UNC80: variants seen among roughly 807,000 people sequenced by gnomAD.
UNC80 encodes unc-80 subunit of NALCN channel complex.
Under a neutral mutation model 384.6 loss-of-function variants are expected in UNC80, and 164 were observed. That is an observed-to-expected ratio of 0.43 (90% CI 0.38 to 0.49). The LOEUF (loss-of-function observed/expected upper bound fraction) is 0.49. UNC80 is among the 20% of genes least tolerant of loss of function. The pLI, the probability that UNC80 is intolerant of heterozygous loss-of-function variation, is 0.00. For missense variants in UNC80, 3,330 were observed against 4,143.0 expected (o/e 0.80, Z 5.39); for synonymous variants, 1,486 against 1,527.8 (o/e 0.97, Z 0.64).
At chr2:209,844,486 TCCTTCCTTCC>T (rs1372405343) in intron 21 of UNC80, among the ~76,000 whole-genome samples, 2 of 91,788 alleles carry the variant, frequency 2.2e-5, no homozygotes, top group Non-Finnish European at 4.6e-5. Flanking sequence ...TTTCCTTCCT[TCCTTCCTTCC>T]TTCCTTCCTT....
intron 63 of UNC80, among the ~76,000 whole-genome samples, 184 bp from the exon 64 acceptor site, chr2:209,993,881 T>C (rs1305529033): frequency 6.6e-6 from 1 of 152,224 alleles, no homozygotes; most frequent in Non-Finnish European, 1.5e-5. Context: ...TAAGTCTTAC[T>C]CTTTGTAAGA....
rs975224084 is a variant in UNC80 at position 209,872,679 on chromosome 2, A to T, written c.3628-79A>T. 3.4e-5 allele frequency: 43 copies of T among 1,256,244 alleles called. 1 individual carries two copies. In the African/African-American group the frequency reaches 5.7e-4, roughly 17 times the overall value. The allele number at this position is 1,256,244 out of a possible 1,614,324, so 77.8% of individuals were successfully genotyped here. A position where few individuals can be genotyped will look rare whatever the true frequency, so the allele number is the denominator to read the frequency against. ...GAAGAGGAAAATAAACTAAAAATAC[A>T]CAGTAATTCCCTTTAAGACCAATTT... is the stretch of plus-strand genomic sequence containing the variant. On this transcript the variant is annotated intron_variant, in intron 22 of 64. Coordinates refer to ENST00000673920, the MANE Select transcript of UNC80 (RefSeq NM_001371986.1). The surrounding 1 kb of genome is among the most constrained non-coding windows in gnomAD (Gnocchi z 4.1).
chr2:209,973,041 G>T (rs753373798), intron 55 of UNC80, 23 bp from the exon 56 acceptor site: 2 of 1,550,234 alleles, frequency 1.3e-6, no homozygotes, highest in Non-Finnish European at 1.7e-6. Flanking sequence ...TTCCACTTCC[G>T]TCTTCCAAAT....
At chr2:209,801,782 C>T (rs571935956) in intron 7 of UNC80, among the ~76,000 whole-genome samples, 83 of 148,664 alleles carry the variant, frequency 5.6e-4, no homozygotes, top group African/African-American at 2.0e-3. Flanking sequence ...AATCAGGCTA[C>T]ATGGGTGCAT....
rs1428205106 is a variant in UNC80, at chr2:209,840,677, C to T, written c.3357+29C>T. ...AACAGGACATAACTTGTGTAAGTGACTGTTGAAGTCGCTGATACAAACATG... is the reference window on the plus strand; with the variant it reads ...AACAGGACATAACTTGTGTAAGTGATTGTTGAAGTCGCTGATACAAACATG... On this transcript the variant is annotated intron_variant, in intron 20 of 64. Transcript: ENST00000673920. 3.3e-6 allele frequency: 5 copies of T among 1,525,180 alleles called. No individual in the cohort carries two copies. In the East Asian group the frequency reaches 1.2e-4, roughly 37 times the overall value. 94.5% of individuals were successfully genotyped at this position (1,525,180 alleles called of 1,614,324 possible). A position where few individuals can be genotyped will look rare whatever the true frequency, so the allele number is the denominator to read the frequency against.
intron 51 of UNC80, among the ~76,000 whole-genome samples, chr2:209,966,490 G>A (rs1359916222): frequency 1.3e-5 from 2 of 152,148 alleles, no homozygotes; most frequent in Admixed American, 1.3e-4. Flanking sequence ...ATTAAATTAA[G>A]TTGGCTTTAA....
intron 47 of UNC80, among the ~76,000 whole-genome samples, chr2:209,950,651 C>T (rs182646235): frequency 5.9e-5 from 9 of 151,850 alleles, no homozygotes; most frequent in Admixed American, 1.3e-4. Context: ...CTCCACCTCC[C>T]GGATTCAAGC....
At chr2:209,795,886 G>A (rs2078121620) in intron 7 of UNC80, 1 of 152,292 alleles carries the variant, frequency 6.6e-6, no homozygotes. Flanking sequence ...CTCTGCTAGG[G>A]CAGTGCAGAA....
chr2:209,969,489 C>G (rs2092822524), intron 52 of UNC80: 4 of 433,122 alleles, frequency 9.2e-6, no homozygotes, highest in Non-Finnish European at 1.7e-5. Flanking sequence ...TCTTAGGACC[C>G]TCTGTCAAAG....
chr2:209,921,407 T>C, intron 33 of UNC80, 93 bp from the exon 34 acceptor site: 1 of 1,244,408 alleles, frequency 8.0e-7, no homozygotes, highest in Non-Finnish European at 1.1e-6. Context: ...GAGGACAAAC[T>C]ACTACGTTTG....
intron 25 of UNC80, among the ~76,000 whole-genome samples, chr2:209,885,356 G>T (rs2085690664): frequency 6.6e-6 from 1 of 152,156 alleles, no homozygotes; most frequent in Non-Finnish European, 1.5e-5. Context: ...CAAAGAAGGG[G>T]CTGAACAGCT....
intron 21 of UNC80, among the ~76,000 whole-genome samples, chr2:209,845,778 A>G (rs1362769230): frequency 6.6e-6 from 1 of 152,170 alleles, no homozygotes; most frequent in African/African-American, 2.4e-5. Context: ...TTCCTTTGGA[A>G]TTGCTTGCAG....
At position 209,959,485 on chromosome 2, in the gene UNC80, C is replaced by G; in HGVS notation, c.7587-4C>G. ...CCCCTAGTTAATCTTTCACAATTTCCCAGGGAAAACCTTCATTTACTGGAG... is the reference window on the plus strand; with the variant it reads ...CCCCTAGTTAATCTTTCACAATTTCGCAGGGAAAACCTTCATTTACTGGAG... On this transcript the variant is annotated splice_region_variant and splice_polypyrimidine_tract_variant and intron_variant, in intron 50 of 64. Transcript: ENST00000673920. 2 of 1,551,444 alleles carry G rather than the reference C, an allele frequency of 1.3e-6. No homozygotes were observed. Among genetic ancestry groups the G allele is most frequent in the Non-Finnish European group, 1.7e-6 (2 of 1,146,858 alleles).
In UNC80 at chr2:209,840,641, G is replaced by T. The variant is rs78499613; in HGVS notation, c.3350G>T (p.Ser1117Ile). The T allele has an allele frequency of 6.4e-7, 1 of 1,551,864 alleles. No individual in the cohort carries two copies. Among genetic ancestry groups the T allele is most frequent in the Non-Finnish European group, 8.7e-7 (1 of 1,146,838 alleles). ...SVDRLSFIRQ[S>I]SKVKFTSAVK... ...GACCGACTCTCTTTCATCAGGCAAA[G>T]CTCCAAGGTAAACAGGACATAACTT... Residue 1117 changes from serine to isoleucine, a missense_variant, in exon 20 of 65, where the codon AGC becomes ATC. This residue lies in a region of UNC80 where 801 missense variants were observed against 950.8 expected (regional missense o/e 0.84). Transcript: ENST00000673920.
At chr2:209,779,031 C>T (rs2077017463) in intron 4 of UNC80, among the ~76,000 whole-genome samples, 2 of 152,232 alleles carry the variant, frequency 1.3e-5, no homozygotes, top group Non-Finnish European at 2.9e-5. Context: ...ACACTGGCCA[C>T]ATTGCCCATC....
intron 5 of UNC80, among the ~76,000 whole-genome samples, chr2:209,788,443 A>G (rs187500725): frequency 6.6e-6 from 1 of 150,922 alleles, no homozygotes; most frequent in East Asian, 1.9e-4. Flanking sequence ...TTTAAAAAAA[A>G]GTATAAAATA....
chr2:209,793,600 GA>G (rs1024844401), intron 6 of UNC80, 119 bp from the exon 7 acceptor site: 33 of 1,219,778 alleles, frequency 2.7e-5, no homozygotes, highest in Non-Finnish European at 3.6e-5. Flanking sequence ...TAACTATAGT[GA>G]AAAAAAGCCC....
At chr2:209,873,232 A>G (rs2084462690) in intron 23 of UNC80, among the ~76,000 whole-genome samples, 1 of 152,212 alleles carries the variant, frequency 6.6e-6, no homozygotes, top group East Asian at 1.9e-4. Flanking sequence ...TTACATATCT[A>G]TTAATAGTAA....
intron 5 of UNC80, among the ~76,000 whole-genome samples, chr2:209,787,509 G>A (rs911012814): frequency 6.6e-6 from 1 of 152,100 alleles, no homozygotes; most frequent in African/African-American, 2.4e-5. Context: ...GGTTAAATGA[G>A]TTATAGTTTT....
Sources: allele counts gnomAD v4.1 joint callset (sites outside exome capture counted in the v4.1 genomes callset), GRCh38; gene constraint gnomAD v4.1.1; regional missense constraint gnomAD v4.1.1; non-coding constraint Gnocchi (gnomAD v3.1); transcripts MANE v1.5; gene names NCBI Gene and HGNC (gene_info 2026-07-23, HGNC 2026-07-21).